Variants in UNC5D observed in about 807,000 individuals in gnomAD.
UNC5D encodes netrin receptor UNC5D.
Under a neutral mutation model 105.4 loss-of-function variants are expected in UNC5D, and 39 were observed. The observed-to-expected ratio is 0.37, with a 90% confidence interval of 0.29 to 0.48. UNC5D has a LOEUF of 0.48. Among genes scored for constraint, UNC5D ranks in the 20% least tolerant of loss-of-function variants. The pLI is 0.98. For missense variants in UNC5D, 991 were observed against 1,202.4 expected (o/e 0.82, Z 2.60); for synonymous variants, 452 against 450.4 (o/e 1.00, Z -0.04).
intron 1 of UNC5D, among the ~76,000 whole-genome samples, chr8:35,409,102 T>C (rs1804991394): frequency 6.6e-6 from 1 of 152,092 alleles, no homozygotes; most frequent in Non-Finnish European, 1.5e-5. Context: ...AGTCAATAAT[T>C]TGCTTTTATT....
At chr8:35,482,686 C>G (rs1427661378) in intron 1 of UNC5D, among the ~76,000 whole-genome samples, 1 of 151,586 alleles carries the variant, frequency 6.6e-6, no homozygotes, top group African/African-American at 2.4e-5. Context: ...AGATGCTGAC[C>G]TCATGAAACT....
At chr8:35,548,997 A>G (rs1049858912) in intron 1 of UNC5D, among the ~76,000 whole-genome samples, 2 of 152,162 alleles carry the variant, frequency 1.3e-5, no homozygotes, top group Admixed American at 6.5e-5. Context: ...ACAGATGTGT[A>G]TCTCAGTTGT....
At chr8:35,570,632 G>T (rs187797223) in intron 3 of UNC5D, among the ~76,000 whole-genome samples, 1 of 151,824 alleles carries the variant, frequency 6.6e-6, no homozygotes, top group Non-Finnish European at 1.5e-5. Flanking sequence ...ACTCTCCCAG[G>T]CATGAGAGAA....
chr8:35,788,133 C>T (rs1802834268), intron 16 of UNC5D, among the ~76,000 whole-genome samples: 1 of 152,096 alleles, frequency 6.6e-6, no homozygotes, highest in Non-Finnish European at 1.5e-5. Context: ...TGACTGTAAA[C>T]AGGATCTTAA....
chr8:35,397,844 T>G (rs960048086), intron 1 of UNC5D, among the ~76,000 whole-genome samples: 3 of 152,194 alleles, frequency 2.0e-5, no homozygotes, highest in Non-Finnish European at 4.4e-5. Context: ...GATTTAAAAA[T>G]TGGATGTTAC....
intron 1 of UNC5D, among the ~76,000 whole-genome samples, chr8:35,411,334 A>G (rs1192467271): frequency 6.6e-6 from 1 of 152,092 alleles, no homozygotes; most frequent in Non-Finnish European, 1.5e-5. Flanking sequence ...TTAAACATGT[A>G]CATTAAATGT....
chr8:35,622,928 AG>A (rs1821445759), intron 4 of UNC5D, among the ~76,000 whole-genome samples: 1 of 152,178 alleles, frequency 6.6e-6, no homozygotes, highest in African/African-American at 2.4e-5. Context: ...TCTCAGTTTT[AG>A]GAGTGTAGCT....
At chr8:35,586,348 A>C (rs1586188181) in intron 3 of UNC5D, among the ~76,000 whole-genome samples, 1 of 152,210 alleles carries the variant, frequency 6.6e-6, no homozygotes, top group African/African-American at 2.4e-5. Flanking sequence ...AGGAGCGCAG[A>C]TAATGTGCCA....
chr8:35,583,253 C>T (rs961549432), intron 3 of UNC5D, among the ~76,000 whole-genome samples: 5 of 151,944 alleles, frequency 3.3e-5, no homozygotes, highest in African/African-American at 1.2e-4. Flanking sequence ...CTTGGGAGGC[C>T]GAGGCAGTAG....
intron 4 of UNC5D, among the ~76,000 whole-genome samples, chr8:35,615,572 G>C (rs990838508): frequency 6.6e-6 from 1 of 152,068 alleles, no homozygotes; most frequent in Non-Finnish European, 1.5e-5. Context: ...CACGATCTTG[G>C]CTCTTTTCTA....
chr8:35,652,243 C>G (rs1823459074), intron 4 of UNC5D, among the ~76,000 whole-genome samples: 1 of 152,108 alleles, frequency 6.6e-6, no homozygotes. Context: ...AAAGAGTCAA[C>G]TAGTTCAAGG....
chr8:35,456,103 G>A (rs1808475206), intron 1 of UNC5D, among the ~76,000 whole-genome samples: 1 of 152,166 alleles, frequency 6.6e-6, no homozygotes, highest in Non-Finnish European at 1.5e-5. Context: ...TTAAGGAGGA[G>A]AATCCATTTA....
Position 35,235,657 on chromosome 8 carries a change from GC to G in UNC5D, c.-127del, listed in dbSNP as rs1563238527. 4.3e-6 allele frequency: 3 copies of G among 690,880 alleles called. No homozygotes were observed. The highest frequency in any genetic ancestry group is 6.0e-6 in the Non-Finnish European group (3 of 496,576). The allele number at this position is 690,880 out of a possible 1,614,324, so 42.8% of individuals were successfully genotyped here. On this transcript the variant is annotated 5_prime_UTR_variant, in exon 1 of 17. Transcript: ENST00000404895. ...GCTCCCTGCCCCGCTGCTTTAGGAA[GC>G]GATCGTGGAGCAGAGTCACTCTCTG...
intron 1 of UNC5D, among the ~76,000 whole-genome samples, chr8:35,347,555 A>G (rs1174957718): frequency 6.6e-6 from 1 of 151,990 alleles, no homozygotes; most frequent in African/African-American, 2.4e-5. Context: ...TGTCTCCCCC[A>G]GTATACATTG....
intron 6 of UNC5D, among the ~76,000 whole-genome samples, chr8:35,685,695 A>G (rs1455365501): frequency 1.3e-5 from 2 of 152,178 alleles, no homozygotes; most frequent in Admixed American, 1.3e-4. Context: ...GAGTTTTATT[A>G]TCCCCAGTTG....
chr8:35,583,651 G>T (rs766751206), intron 3 of UNC5D, among the ~76,000 whole-genome samples: 1 of 152,280 alleles, frequency 6.6e-6, no homozygotes, highest in Middle Eastern at 3.4e-3. Flanking sequence ...GGTGGAACAT[G>T]ATGTAAAGAT....
At chr8:35,682,721 C>T (rs767486907) in intron 4 of UNC5D, among the ~76,000 whole-genome samples, 6 of 152,176 alleles carry the variant, frequency 3.9e-5, no homozygotes, top group Non-Finnish European at 7.3e-5. Flanking sequence ...CTTCCATCTG[C>T]GTCTTCCTTT....
rs987957141 is a variant in UNC5D at position 35,533,406 on chromosome 8, T to G, written c.104-15886T>G. ...ACTTGAGGAGGCAGTCTGCCAGTTCTCAGATCTCCAGCTGCGTGCTGGGAG... is the reference window on the plus strand; with the variant it reads ...ACTTGAGGAGGCAGTCTGCCAGTTCGCAGATCTCCAGCTGCGTGCTGGGAG... On this transcript the variant is annotated intron_variant, in intron 1 of 16. Coordinates refer to ENST00000404895, the MANE Select transcript of UNC5D (RefSeq NM_080872.4). Among the ~76,000 whole-genome samples, 37 of 152,180 alleles carry G rather than the reference T, an allele frequency of 2.4e-4. 1 individual carries two copies. Among genetic ancestry groups the G allele is most frequent in the African/African-American group, 8.2e-4 (34 of 41,546 alleles).
At chr8:35,584,224 A>G (rs1339451284) in intron 3 of UNC5D, among the ~76,000 whole-genome samples, 1 of 152,174 alleles carries the variant, frequency 6.6e-6, no homozygotes, top group Non-Finnish European at 1.5e-5. Context: ...AGTGGCCCTG[A>G]GACACCAGCA....
Sources: allele counts gnomAD v4.1 joint callset (sites outside exome capture counted in the v4.1 genomes callset), GRCh38; gene constraint gnomAD v4.1.1; transcripts MANE v1.5; gene names NCBI Gene and HGNC (gene_info 2026-07-23, HGNC 2026-07-21).